USP24: variants seen among roughly 807,000 people sequenced by gnomAD.
USP24 encodes the protein ubiquitin specific peptidase 24, also known as ubiquitin carboxyl-terminal hydrolase 24.
Under a neutral mutation model 361.6 loss-of-function variants are expected in USP24, and 97 were observed. That is an observed-to-expected ratio of 0.27 (90% CI 0.23 to 0.32). USP24 has a LOEUF of 0.32. Ranked by LOEUF, USP24 falls within the 10% of genes least tolerant of loss-of-function variation. The pLI is 1.00. For synonymous variants in USP24, 1,098 were observed against 1,124.6 expected, an observed-to-expected ratio of 0.98 and a Z score of 0.47; for missense variants, 2,353 against 3,165.6, an observed-to-expected ratio of 0.74 and a Z score of 6.16.
chr1:55,174,091 A>G (rs1411905912), intron 3 of USP24, among the ~76,000 whole-genome samples: 1 of 152,248 alleles, frequency 6.6e-6, no homozygotes, highest in Non-Finnish European at 1.5e-5. Context: ...GCCTGAATAC[A>G]CTAGTAAAAA....
At chr1:55,071,019 T>C in intron 67 of USP24, 2 of 520,090 alleles carry the variant, frequency 3.8e-6, no homozygotes, top group Non-Finnish European at 4.9e-6. Context: ...TGGAGTGACC[T>C]TGGGCTAAGT....
intron 43 of USP24, 119 bp from the exon 44 acceptor site, chr1:55,101,083 T>A (rs927779792): frequency 2.5e-6 from 3 of 1,189,152 alleles, no homozygotes; most frequent in African/African-American, 3.1e-5. Flanking sequence ...TGTTTGGACA[T>A]GGCTATAATG....
chr1:55,105,434 C>T (rs909743710), intron 41 of USP24, among the ~76,000 whole-genome samples: 2 of 152,116 alleles, frequency 1.3e-5, no homozygotes, highest in African/African-American at 4.8e-5. Flanking sequence ...CTTATTATGC[C>T]TTGTCCATTT....
intron 7 of USP24, among the ~76,000 whole-genome samples, chr1:55,164,580 G>C (rs1310737126): frequency 1.3e-5 from 2 of 152,070 alleles, no homozygotes; most frequent in African/African-American, 4.8e-5. Context: ...TCCAATGCCT[G>C]AGTGTTACTA....
Position 55,134,402 on chromosome 1 carries a change from G to C in USP24, c.3213C>G (p.Leu1071=). Residue 1071 remains leucine (L), a synonymous_variant, in exon 29 of 68, where the codon CTC becomes CTG. Coordinates refer to ENST00000294383, the MANE Select transcript of USP24 (RefSeq NM_015306.3). ...ATACGAGAGCCATCACTACACCAGG[G>C]AGGGATTTCTCCTGATGGAAAAAAG... The part of the protein sequence containing the change: ...SSYAMEQEKS[L]PGVVMALVCN... 2 of 1,610,594 alleles carry C rather than the reference G, an allele frequency of 1.2e-6. No individual in the cohort carries two copies. The highest frequency in any genetic ancestry group is 1.7e-6 in the Non-Finnish European group (2 of 1,177,422).
chr1:55,148,433 T>C (rs1647097648), intron 17 of USP24, 30 bp downstream of exon 17: 1 of 1,487,114 alleles, frequency 6.7e-7, no homozygotes, highest in East Asian at 2.5e-5. Flanking sequence ...TGCAAGTAAC[T>C]ATAATAATAA....
At chr1:55,141,753 T>C (rs1481633682) in intron 23 of USP24, 22 bp from the exon 24 acceptor site, 2 of 1,574,742 alleles carry the variant, frequency 1.3e-6, no homozygotes, top group Non-Finnish European at 1.7e-6. Flanking sequence ...CAAACAGTCA[T>C]TCTCTATCAG....
chr1:55,199,310 A>C (rs929985593), intron 1 of USP24, among the ~76,000 whole-genome samples: 4 of 147,998 alleles, frequency 2.7e-5, no homozygotes, highest in African/African-American at 1.0e-4. Context: ...AAAACAAAAC[A>C]AAAAAAAAAC....
At chr1:55,117,655 G>GA (rs1646155460) in intron 38 of USP24, among the ~76,000 whole-genome samples, 1 of 143,562 alleles carries the variant, frequency 7.0e-6, no homozygotes, top group African/African-American at 2.6e-5. Flanking sequence ...GTGAACCCGG[G>GA]AAGCCGGGAA....
chr1:55,121,506 G>A lies in USP24; in HGVS notation c.4277C>T (p.Ala1426Val). 1 of 1,612,912 alleles carries A rather than the reference G, an allele frequency of 6.2e-7. No homozygotes were observed. The highest frequency in any genetic ancestry group is 8.5e-7 in the Non-Finnish European group (1 of 1,179,422). ...AACACAGGGCAAGTTATAGAAAGAT[G>A]CTAATAAGAAGAAATGGGGGATGTG... ...TCLQLRSQQLASFYNLPCVAD... is the reference protein window; with the variant it reads ...TCLQLRSQQLVSFYNLPCVAD... Residue 1426 changes from alanine to valine, a missense_variant and splice_region_variant, in exon 37 of 68, where the codon GCA (alanine) becomes GTA (valine). By Grantham distance (64) the Ala-to-Val change is moderately conservative. Around this residue, in one of 8 missense-constraint regions of USP24, gnomAD observed 949 missense variants for 1,280.5 expected, o/e 0.74. Coordinates refer to ENST00000294383, the MANE Select transcript of USP24 (RefSeq NM_015306.3).
chr1:55,103,053 G>GA, intron 42 of USP24, among the ~76,000 whole-genome samples: 1 of 152,282 alleles, frequency 6.6e-6, no homozygotes, highest in Admixed American at 6.5e-5. Flanking sequence ...TGATGTCAGA[G>GA]AACACAAACG....
At chr1:55,101,457 G>T in intron 43 of USP24, 127 bp downstream of exon 43, 1 of 1,260,986 alleles carries the variant, frequency 7.9e-7, no homozygotes. Flanking sequence ...CATTTCAGGA[G>T]CTACTAAAGA....
chr1:55,145,229 G>A (rs546921893), intron 20 of USP24, among the ~76,000 whole-genome samples: 13 of 152,210 alleles, frequency 8.5e-5, no homozygotes, highest in South Asian at 2.1e-4. Flanking sequence ...AGTATTAACC[G>A]TAACACCCAA....
Position 55,120,645 on chromosome 1 carries a change from G to C in USP24, c.4459C>G (p.Gln1487Glu). The stretch of plus-strand genomic sequence containing the variant: ...CTAGTTGGAGACCAGAGAGGCAGCT[G>C]AGCCGTGAGGATTACGCCTAGAAGA... ...QFLLGVILTA[Q>E]LPLWSPTSIM... Residue 1487 changes from glutamine to glutamate, a missense_variant, in exon 38 of 68, where the codon CAG becomes GAG. By Grantham distance (29) the Gln-to-Glu change is conservative. Transcript: ENST00000294383. 1.3e-6 allele frequency: 2 copies of C among 1,559,432 alleles called. No individual in the cohort carries two copies. The highest frequency in any genetic ancestry group is 1.7e-6 in the Non-Finnish European group (2 of 1,150,632).
chr1:55,159,185 A>G, intron 9 of USP24, 149 bp from the exon 10 acceptor site: 1 of 746,160 alleles, frequency 1.3e-6, no homozygotes, highest in Non-Finnish European at 1.9e-6. Flanking sequence ...TTGCTTAGAA[A>G]CAAAACTTAG....
chr1:55,142,362 G>A (rs1646912967), intron 23 of USP24, among the ~76,000 whole-genome samples: 1 of 151,780 alleles, frequency 6.6e-6, no homozygotes, highest in African/African-American at 2.4e-5. Flanking sequence ...ATAACTAGGT[G>A]AAACATGAAG....
chr1:55,144,148 C>T lies in USP24; in HGVS notation c.2418G>A (p.Leu806=), dbSNP rs571433505. The T allele has an allele frequency of 2.1e-5, 33 of 1,606,910 alleles. 1 individual carries two copies. The Admixed American group carries it at 4.6e-4, about 22-fold the overall frequency. Reference sequence around the variant, plus strand: ...TTACCAACTGAGCTCCTTGTCTTTTCAATCGATGATCACAAAGATTCACAT... The same window carrying T: ...TTACCAACTGAGCTCCTTGTCTTTTTAATCGATGATCACAAAGATTCACAT... ...FENVNLCDHR[L]KRQGAQLYVE... The change falls in exon 21 of 68, where the codon TTG becomes TTA. Residue 806 remains leucine (L), a synonymous_variant. Transcript: ENST00000294383.
intron 55 of USP24, among the ~76,000 whole-genome samples, chr1:55,086,749 T>A (rs1313941618): frequency 6.6e-6 from 1 of 152,246 alleles, no homozygotes; most frequent in Non-Finnish European, 1.5e-5. Context: ...TGATATAATG[T>A]CTGCAATTTA....
rs141469815 is a variant in USP24, at chr1:55,136,854, G to C, written c.3201+661C>G. On this transcript the variant is annotated intron_variant, in intron 28 of 67. Coordinates refer to ENST00000294383, the MANE Select transcript of USP24 (RefSeq NM_015306.3). ...GGTGCCTAGTAGACACTTAAGAGATGTTAAGTGGATGGATCCATTTATTTC... is the reference window on the plus strand; with the variant it reads ...GGTGCCTAGTAGACACTTAAGAGATCTTAAGTGGATGGATCCATTTATTTC... Among the ~76,000 whole-genome samples, 12 of 152,276 alleles carry C rather than the reference G, an allele frequency of 7.9e-5. No homozygotes were observed. In the East Asian group the frequency reaches 1.7e-3, roughly 22 times the overall value.
Sources: allele counts gnomAD v4.1 joint callset (sites outside exome capture counted in the v4.1 genomes callset), GRCh38; gene constraint gnomAD v4.1.1; regional missense constraint gnomAD v4.1.1; transcripts MANE v1.5; gene names NCBI Gene and HGNC (gene_info 2026-07-23, HGNC 2026-07-21).